Variants in RIMS2 observed in about 807,000 individuals in gnomAD.
RIMS2 encodes regulating synaptic membrane exocytosis protein 2.
A neutral mutation model predicts 174.4 loss-of-function variants in RIMS2; 59 were observed. That is an observed-to-expected ratio of 0.34 (90% confidence interval 0.27 to 0.42). The LOEUF (loss-of-function observed/expected upper bound fraction) is 0.42. Among genes scored for constraint, RIMS2 ranks in the 10% least tolerant of loss-of-function variants. The probability of loss-of-function intolerance (pLI) is 1.00; values close to 1 mark genes in which losing one functional copy is unlikely to be tolerated. For synonymous variants in RIMS2, 606 were observed against 572.5 expected (o/e 1.06, Z -0.84); for missense variants, 1,620 against 1,666.3 (o/e 0.97, Z 0.48).
intron 19 of RIMS2, among the ~76,000 whole-genome samples, chr8:104,066,005 G>C (rs2097099670): frequency 2.0e-5 from 3 of 152,162 alleles, no homozygotes; most frequent in Non-Finnish European, 4.4e-5. Flanking sequence ...CATTTCTAAA[G>C]AGAAAGACAC....
chr8:104,148,018 G>A (rs902726166), intron 19 of RIMS2, among the ~76,000 whole-genome samples: 1 of 148,758 alleles, frequency 6.7e-6, no homozygotes, highest in Non-Finnish European at 1.5e-5. Flanking sequence ...ATTTATATCA[G>A]TAATGATTAA....
At chr8:103,906,400 C>T (rs1448306015) in intron 4 of RIMS2, among the ~76,000 whole-genome samples, 3 of 152,002 alleles carry the variant, frequency 2.0e-5, no homozygotes. Context: ...TACATGCCAC[C>T]ATGCCCAGCT....
intron 4 of RIMS2, among the ~76,000 whole-genome samples, chr8:103,887,596 C>G (rs1228555543): frequency 6.6e-6 from 1 of 151,070 alleles, no homozygotes; most frequent in African/African-American, 2.4e-5. Flanking sequence ...AGTATCATAC[C>G]AACCTCCTAC....
At chr8:103,873,757 C>T (rs1334835143) in intron 3 of RIMS2, among the ~76,000 whole-genome samples, 7 of 152,088 alleles carry the variant, frequency 4.6e-5, no homozygotes, top group East Asian at 1.9e-4. Flanking sequence ...TTTAAAGAAA[C>T]CATATGACTA....
At chr8:103,635,100 T>G (rs1348020242) in intron 1 of RIMS2, among the ~76,000 whole-genome samples, 1 of 152,206 alleles carries the variant, frequency 6.6e-6, no homozygotes, top group Non-Finnish European at 1.5e-5. Flanking sequence ...TGTATGGTTA[T>G]TATGTTGGCT....
At chr8:104,117,968 T>C (rs2098306544) in intron 19 of RIMS2, among the ~76,000 whole-genome samples, 1 of 152,158 alleles carries the variant, frequency 6.6e-6, no homozygotes, top group African/African-American at 2.4e-5. Flanking sequence ...ATTACACAGA[T>C]TGTTTAGAAT....
At chr8:103,929,163 A>C (rs1043091636) in intron 11 of RIMS2, among the ~76,000 whole-genome samples, 6 of 151,696 alleles carry the variant, frequency 4.0e-5, no homozygotes, top group Admixed American at 2.0e-4. Flanking sequence ...TGTAATTTAT[A>C]CTTTAGTAAA....
intron 1 of RIMS2, among the ~76,000 whole-genome samples, chr8:103,573,550 G>T (rs1054421427): frequency 1.3e-5 from 2 of 151,952 alleles, no homozygotes; most frequent in African/African-American, 4.8e-5. Flanking sequence ...TTGTTTTTGG[G>T]TTCTCTATTC....
At position 103,885,355 on chromosome 8, in the gene RIMS2, AAG is replaced by A. The variant is rs756231924; in HGVS notation, c.761_762del (p.Glu254GlyfsTer14). On this transcript the variant is annotated frameshift_variant, in exon 4 of 24. Coordinates refer to ENST00000504942, the Ensembl canonical transcript of RIMS2. LOFTEE classifies it high-confidence loss of function. ...ATAGAAGATACGACCAAAGGGAAGA[AAG>A]AGAGGAATATTCACAGTATGCTACT... is the stretch of plus-strand genomic sequence containing the variant. 1 of 1,611,806 alleles carries A rather than the reference AAG, an allele frequency of 6.2e-7. No individual in the cohort carries two copies. Among genetic ancestry groups the A allele is most frequent in the Non-Finnish European group, 8.5e-7 (1 of 1,178,582 alleles).
At chr8:103,847,159 C>T (rs2098972079) in intron 3 of RIMS2, among the ~76,000 whole-genome samples, 2 of 152,108 alleles carry the variant, frequency 1.3e-5, no homozygotes, top group Admixed American at 1.3e-4. Context: ...TTTCTTGCTT[C>T]ACAGAGCCTG....
chr8:104,039,604 A>T (rs1027057388), intron 19 of RIMS2, among the ~76,000 whole-genome samples: 7 of 151,764 alleles, frequency 4.6e-5, no homozygotes, highest in Admixed American at 2.0e-4. Flanking sequence ...CCATTATTTC[A>T]TCCACTTCAT....
At chr8:104,189,189 CAAA>C (rs1444375460) in intron 19 of RIMS2, among the ~76,000 whole-genome samples, 1 of 151,806 alleles carries the variant, frequency 6.6e-6, no homozygotes, top group Non-Finnish European at 1.5e-5. Flanking sequence ...CTATGGGAAT[CAAA>C]GAAAGAAAAA....
intron 17 of RIMS2, among the ~76,000 whole-genome samples, chr8:104,011,393 T>C (rs2095757597): frequency 6.6e-6 from 1 of 152,078 alleles, no homozygotes; most frequent in African/African-American, 2.4e-5. Flanking sequence ...GAGAAAAATA[T>C]ATAAGTAAAA....
chr8:103,746,042 T>G (rs2097807760), intron 2 of RIMS2, among the ~76,000 whole-genome samples: 1 of 152,184 alleles, frequency 6.6e-6, no homozygotes, highest in East Asian at 1.9e-4. Flanking sequence ...GTCATGAAGA[T>G]TTATTCCTAA....
At chr8:103,719,120 A>T (rs941605469) in intron 2 of RIMS2, among the ~76,000 whole-genome samples, 1 of 152,220 alleles carries the variant, frequency 6.6e-6, no homozygotes, top group Non-Finnish European at 1.5e-5. Flanking sequence ...AAGTTAAAAA[A>T]AAATGTAGCT....
chr8:103,962,414 T>A (rs1183107403), intron 15 of RIMS2, among the ~76,000 whole-genome samples: 1 of 152,200 alleles, frequency 6.6e-6, no homozygotes. Context: ...CTGGATTCAT[T>A]AAGTTTCTTC....
At chr8:103,573,587 T>G (rs2092995833) in intron 1 of RIMS2, among the ~76,000 whole-genome samples, 5 of 152,182 alleles carry the variant, frequency 3.3e-5, no homozygotes, top group Admixed American at 2.6e-4. Flanking sequence ...GTGTCTATTT[T>G]TGTACCATAT....
At chr8:103,791,152 A>G (rs1358022214) in intron 3 of RIMS2, among the ~76,000 whole-genome samples, 1 of 152,232 alleles carries the variant, frequency 6.6e-6, no homozygotes, top group Non-Finnish European at 1.5e-5. Context: ...GAAGGAAAAA[A>G]TGTTAAGGGC....
chr8:103,625,398 A>G (rs892607421), intron 1 of RIMS2, among the ~76,000 whole-genome samples: 13 of 152,194 alleles, frequency 8.5e-5, no homozygotes, highest in Admixed American at 4.6e-4. Context: ...CTAAGAAGGC[A>G]GAAATAAAAA....
Sources: allele counts gnomAD v4.1 joint callset (sites outside exome capture counted in the v4.1 genomes callset), GRCh38; gene constraint gnomAD v4.1.1; transcripts MANE v1.5; gene names NCBI Gene and HGNC (gene_info 2026-07-23, HGNC 2026-07-21).